Variants in VEGFC observed in about 807,000 individuals in gnomAD.
The protein encoded by VEGFC is vascular endothelial growth factor C, also known as FLT4 ligand DHM.
A neutral mutation model predicts 46.1 loss-of-function variants in VEGFC; 12 were observed. The ratio of observed to expected loss-of-function variants is 0.26; its 90% CI spans 0.17 to 0.42. VEGFC has a LOEUF of 0.42. Among genes scored for constraint, VEGFC ranks in the 10% least tolerant of loss-of-function variants. The pLI, the probability that VEGFC is intolerant of heterozygous loss-of-function variation, is 1.00. For synonymous variants in VEGFC, 232 were observed against 195.5 expected (o/e 1.19, Z -1.56); for missense variants, 488 against 529.4 (o/e 0.92, Z 0.77).
chr4:176,706,316 A>G (rs900302505), intron 4 of VEGFC, among the ~76,000 whole-genome samples: 8 of 151,982 alleles, frequency 5.3e-5, no homozygotes, highest in African/African-American at 1.7e-4. Flanking sequence ...TTAAAATGTT[A>G]TTGTAAAGGT....
chr4:176,720,842 TAAAAA>T (rs33929788), intron 3 of VEGFC, among the ~76,000 whole-genome samples: 13 of 78,244 alleles, frequency 1.7e-4, no homozygotes, highest in Non-Finnish European at 2.7e-4. Context: ...AGACTCCATC[TAAAAA>T]AAAAAAAAAA....
Position 176,687,636 on chromosome 4 carries a change from C to T in VEGFC, c.812-116G>A, listed in dbSNP as rs764991130. ...ATGTTTTCCATCAAAGGATTGGGTACAAACATGAGTATGTTCCTTTATAAA... is the reference window on the plus strand; with the variant it reads ...ATGTTTTCCATCAAAGGATTGGGTATAAACATGAGTATGTTCCTTTATAAA... On this transcript the variant is annotated intron_variant, in intron 5 of 6. Coordinates refer to ENST00000618562, the MANE Select transcript of VEGFC (RefSeq NM_005429.5). 36 of 1,125,236 alleles carry T rather than the reference C, an allele frequency of 3.2e-5. No individual in the cohort carries two copies. In the Admixed American group the frequency reaches 3.8e-4, roughly 12 times the overall value. 69.7% of individuals were successfully genotyped at this position (1,125,236 alleles called of 1,614,324 possible).
chr4:176,764,381 G>C (rs1013494260), intron 1 of VEGFC, among the ~76,000 whole-genome samples: 1 of 152,118 alleles, frequency 6.6e-6, no homozygotes, highest in Non-Finnish European at 1.5e-5. Context: ...CAGATTTGAG[G>C]GGCTAAGATC....
chr4:176,736,561 T>A (rs1379511871), intron 1 of VEGFC, among the ~76,000 whole-genome samples: 2 of 151,770 alleles, frequency 1.3e-5, no homozygotes, highest in Non-Finnish European at 2.9e-5. Flanking sequence ...TAATGCTTAG[T>A]ACACGTAACA....
intron 1 of VEGFC, among the ~76,000 whole-genome samples, chr4:176,737,334 TATAA>T (rs1257304697): frequency 2.7e-5 from 4 of 147,106 alleles, no homozygotes; most frequent in Non-Finnish European, 6.0e-5. Flanking sequence ...ATTTATAATA[TATAA>T]ATACAGAATA....
chr4:176,688,052 A>G (rs1444812260), intron 4 of VEGFC, 125 bp from the exon 5 acceptor site: 1 of 542,032 alleles, frequency 1.8e-6, no homozygotes, highest in Non-Finnish European at 3.2e-6. Context: ...ATTATGAGAT[A>G]AAATGTGAAT....
intron 1 of VEGFC, among the ~76,000 whole-genome samples, chr4:176,766,551 C>A (rs1238200213): frequency 2.1e-5 from 3 of 143,276 alleles, no homozygotes; most frequent in African/African-American, 5.2e-5. Flanking sequence ...TGCACTATTG[C>A]ACTTCAGCCT....
chr4:176,692,885 A>T (rs529239079), intron 4 of VEGFC, among the ~76,000 whole-genome samples: 3 of 146,836 alleles, frequency 2.0e-5, no homozygotes, highest in South Asian at 2.1e-4. Context: ...CTCACACAGC[A>T]GGGTATTCCA....
At chr4:176,686,800 C>A (rs186538570) in intron 6 of VEGFC, among the ~76,000 whole-genome samples, 3 of 152,238 alleles carry the variant, frequency 2.0e-5, no homozygotes, top group Non-Finnish European at 4.4e-5. Context: ...GTGGTACTCT[C>A]CTGTCCTTTG....
chr4:176,728,025 C>G lies in VEGFC; in HGVS notation c.362-57G>C, dbSNP rs1734902556. ...ACGGAAACCACCAAGATAAAAAAAG[C>G]CCACAGCAGCTGCAAATCACTCACA... On this transcript the variant is annotated intron_variant, in intron 2 of 6. Coordinates refer to ENST00000618562, the MANE Select transcript of VEGFC (RefSeq NM_005429.5). 2.8e-6 allele frequency: 4 copies of G among 1,411,480 alleles called. No homozygotes were observed. The Admixed American group carries it at 6.9e-5, about 24-fold the overall frequency. The allele number at this position is 1,411,480 out of a possible 1,614,324, so 87.4% of individuals were successfully genotyped here. A position where few individuals can be genotyped will look rare whatever the true frequency, so the allele number is the denominator to read the frequency against.
chr4:176,725,329 G>T (rs558306116), intron 3 of VEGFC, among the ~76,000 whole-genome samples: 4 of 152,064 alleles, frequency 2.6e-5, no homozygotes, highest in African/African-American at 4.8e-5. Context: ...TTGAAACAGG[G>T]TCATGCTCTG....
At chr4:176,789,596 A>C (rs1312899908) in intron 1 of VEGFC, among the ~76,000 whole-genome samples, 1 of 152,214 alleles carries the variant, frequency 6.6e-6, no homozygotes, top group South Asian at 2.1e-4. Flanking sequence ...TTTTGTTCCC[A>C]TCATGTCCAG....
chr4:176,728,026 C>T, intron 2 of VEGFC, 58 bp from the exon 3 acceptor site: 1 of 1,415,728 alleles, frequency 7.1e-7, no homozygotes, highest in Non-Finnish European at 9.5e-7. Flanking sequence ...TAAAAAAAGC[C>T]CACAGCAGCT....
intron 4 of VEGFC, among the ~76,000 whole-genome samples, chr4:176,709,569 G>C (rs1429290083): frequency 6.6e-6 from 1 of 152,188 alleles, no homozygotes; most frequent in Non-Finnish European, 1.5e-5. Context: ...CTTTGGAAAG[G>C]CAGAACACAA....
chr4:176,710,313 T>C (rs1259068299), intron 4 of VEGFC, among the ~76,000 whole-genome samples: 1 of 152,122 alleles, frequency 6.6e-6, no homozygotes, highest in Non-Finnish European at 1.5e-5. Flanking sequence ...CCTGCGGGGA[T>C]GAAATTGCAC....
intron 1 of VEGFC, among the ~76,000 whole-genome samples, chr4:176,740,486 G>GAGAGTATATATAACTATATATTCTATAT (rs1560951861): frequency 2.9e-5 from 3 of 103,338 alleles, no homozygotes; most frequent in African/African-American, 9.0e-5. Context: ...TCTATATATA[G>GAGAGTATATATAACTATATATTCTATAT]AGAGTATATA....
chr4:176,721,870 G>A (rs1734792945), intron 3 of VEGFC, among the ~76,000 whole-genome samples: 1 of 151,870 alleles, frequency 6.6e-6, no homozygotes, highest in African/African-American at 2.4e-5. Flanking sequence ...GAAAGGTTTG[G>A]GAAAAGTAAA....
chr4:176,790,577 C>A (rs1016052080), intron 1 of VEGFC, among the ~76,000 whole-genome samples: 3 of 151,948 alleles, frequency 2.0e-5, no homozygotes, highest in Non-Finnish European at 4.4e-5. Context: ...CTAGACTCAC[C>A]CAGCAGTGAG....
chr4:176,710,021 C>G (rs1734596029), intron 4 of VEGFC, among the ~76,000 whole-genome samples: 1 of 142,908 alleles, frequency 7.0e-6, no homozygotes, highest in South Asian at 2.1e-4. Flanking sequence ...AATGACAACT[C>G]TGTGATTTCA....
Sources: gnomAD v4.1 joint callset for allele counts (sites outside exome capture counted in the v4.1 genomes callset) on GRCh38, gnomAD v4.1.1 for gene constraint, MANE v1.5 for transcripts, NCBI Gene and HGNC (gene_info 2026-07-23, HGNC 2026-07-21) for gene names.